SBF2: variants seen among roughly 807,000 people sequenced by gnomAD.
SBF2 encodes the protein myotubularin-related protein 13.
A neutral mutation model predicts 225.2 loss-of-function variants in SBF2; 112 were observed. The observed-to-expected ratio is 0.50, with a 90% CI of 0.43 to 0.58. The LOEUF is 0.58. Ranked by LOEUF, SBF2 falls within the 20% of genes least tolerant of loss-of-function variation. The pLI is 0.00. For synonymous variants in SBF2, 763 were observed against 773.3 expected (o/e 0.99, Z 0.22); for missense variants, 1,996 against 2,206.2 (o/e 0.90, Z 1.91).
intron 1 of SBF2, among the ~76,000 whole-genome samples, chr11:10,247,612 T>C (rs1273194516): frequency 6.6e-6 from 1 of 151,856 alleles, no homozygotes; most frequent in Non-Finnish European, 1.5e-5. Flanking sequence ...GGAGAATTGC[T>C]TGAACCCAGG....
chr11:9,871,508 T>TATTA (rs59123968), intron 17 of SBF2, among the ~76,000 whole-genome samples: 4 of 148,390 alleles, frequency 2.7e-5, no homozygotes, highest in Non-Finnish European at 3.0e-5. Flanking sequence ...TTATTATTAT[T>TATTA]TTGAGATGAG....
At chr11:9,792,464 C>G (rs538169556) in intron 33 of SBF2, among the ~76,000 whole-genome samples, 1 of 152,068 alleles carries the variant, frequency 6.6e-6, no homozygotes, top group South Asian at 2.1e-4. Flanking sequence ...ATGAATTCTA[C>G]CAGCAGTGGT....
intron 38 of SBF2, among the ~76,000 whole-genome samples, chr11:9,783,576 G>A (rs1852174155): frequency 6.6e-6 from 1 of 152,250 alleles, no homozygotes; most frequent in Admixed American, 6.5e-5. Flanking sequence ...AGGGTGCAGA[G>A]TTGCTGGAGG....
At chr11:10,235,527 C>CAA (rs797015174) in intron 1 of SBF2, among the ~76,000 whole-genome samples, 21 of 80,536 alleles carry the variant, frequency 2.6e-4, no homozygotes, top group Admixed American at 5.5e-4. Context: ...GACTCCATCT[C>CAA]AAAAAAAAAA....
At chr11:9,925,514 G>A (rs1328214961) in intron 16 of SBF2, among the ~76,000 whole-genome samples, 1 of 152,130 alleles carries the variant, frequency 6.6e-6, no homozygotes, top group Admixed American at 6.5e-5. Flanking sequence ...AACCTCAGGT[G>A]ATCCGCCCAC....
intron 2 of SBF2, among the ~76,000 whole-genome samples, chr11:10,097,884 C>A (rs1006950490): frequency 3.3e-5 from 5 of 152,036 alleles, no homozygotes; most frequent in African/African-American, 1.2e-4. Context: ...AGAGTCACTG[C>A]CTAAGAGGCC....
At chr11:10,230,843 T>G (rs1329553724) in intron 1 of SBF2, among the ~76,000 whole-genome samples, 3 of 152,106 alleles carry the variant, frequency 2.0e-5, no homozygotes, top group Non-Finnish European at 4.4e-5. Flanking sequence ...TTTCCTGAAT[T>G]TGAATGTTGG....
intron 1 of SBF2, among the ~76,000 whole-genome samples, chr11:10,263,465 C>T (rs1424446516): frequency 6.6e-6 from 1 of 152,008 alleles, no homozygotes; most frequent in Non-Finnish European, 1.5e-5. Flanking sequence ...CTTCTTAAAA[C>T]CTTAATGATA....
chr11:9,850,708 T>C (rs1470331567), intron 21 of SBF2, among the ~76,000 whole-genome samples: 3 of 152,194 alleles, frequency 2.0e-5, no homozygotes, highest in Admixed American at 2.0e-4. Flanking sequence ...TATACCCAAA[T>C]GTGAGAGGAT....
intron 17 of SBF2, among the ~76,000 whole-genome samples, chr11:9,866,317 A>C (rs1476953481): frequency 3.9e-5 from 6 of 152,218 alleles, no homozygotes; most frequent in Non-Finnish European, 5.9e-5. Context: ...ACACTATCTG[A>C]CTTCAAAATA....
At chr11:9,900,871 G>A (rs1040962500) in intron 16 of SBF2, among the ~76,000 whole-genome samples, 1 of 152,036 alleles carries the variant, frequency 6.6e-6, no homozygotes, top group Non-Finnish European at 1.5e-5. Context: ...CAAGTAGTTG[G>A]GACTACAGGC....
chr11:9,974,584 A>G (rs1946591571), intron 13 of SBF2, among the ~76,000 whole-genome samples: 1 of 151,658 alleles, frequency 6.6e-6, no homozygotes, highest in South Asian at 2.1e-4. Context: ...CTGAAATACA[A>G]ATTAGAATCA....
rs188604961 is a variant in SBF2, at chr11:9,799,731, G to A, written c.4444-3774C>T. On this transcript the variant is annotated intron_variant, in intron 32 of 39. Transcript: ENST00000256190. ...AACTCTTACGGTGCTTAGATTTCTA[G>A]GAAGCAAGAAAAATCATACTTTCTC... Among the ~76,000 whole-genome samples, 34 of 152,234 alleles carry A rather than the reference G, an allele frequency of 2.2e-4. No individual in the cohort carries two copies. In the East Asian group the frequency reaches 6.4e-3, roughly 29 times the overall value.
At chr11:10,139,421 T>C (rs1273267247) in intron 2 of SBF2, among the ~76,000 whole-genome samples, 2 of 152,204 alleles carry the variant, frequency 1.3e-5, no homozygotes, top group Admixed American at 1.3e-4. Flanking sequence ...TCACTAGATA[T>C]ATGAGGCTAT....
intron 32 of SBF2, among the ~76,000 whole-genome samples, chr11:9,800,351 T>C (rs1853414131): frequency 6.6e-6 from 1 of 152,176 alleles, no homozygotes. Flanking sequence ...CACTGTGTGA[T>C]TGGTCTTTTC....
At chr11:9,847,177 T>C (rs1856609817) in intron 22 of SBF2, 94 bp from the exon 23 acceptor site, 4 of 1,502,666 alleles carry the variant, frequency 2.7e-6, no homozygotes, top group African/African-American at 1.4e-5. Context: ...GCTAGAGAAA[T>C]GTATTTGAAG....
intron 14 of SBF2, among the ~76,000 whole-genome samples, chr11:9,966,844 T>A (rs985238640): frequency 6.6e-6 from 1 of 152,162 alleles, no homozygotes; most frequent in African/African-American, 2.4e-5. Context: ...GGAAAATGGT[T>A]TGGCAGCTCC....
At chr11:9,967,635 G>A (rs1305657237) in intron 14 of SBF2, among the ~76,000 whole-genome samples, 1 of 152,106 alleles carries the variant, frequency 6.6e-6, no homozygotes, top group East Asian at 1.9e-4. Context: ...AAACATTCTT[G>A]CCGGGTGCAG....
In SBF2 at chr11:10,087,584, T is replaced by C. The variant is rs919133540; in HGVS notation, c.142-44603A>G. ...TTTCTGTTATGGTAAATAATACTCA[T>C]CTTGTTTAGACAGGTTTTATCAAAA... On this transcript the variant is annotated intron_variant, in intron 2 of 39. Transcript: ENST00000256190. 5.9e-5 allele frequency among the ~76,000 whole-genome samples: 9 copies of C among 152,224 alleles called. No homozygotes were observed. In the South Asian group the frequency reaches 1.9e-3, roughly 32 times the overall value.
Sources: allele counts gnomAD v4.1 joint callset (sites outside exome capture counted in the v4.1 genomes callset), GRCh38; gene constraint gnomAD v4.1.1; transcripts MANE v1.5; gene names NCBI Gene and HGNC (gene_info 2026-07-23, HGNC 2026-07-21).